SCNN1G: variants seen among roughly 807,000 people sequenced by gnomAD.
The protein encoded by SCNN1G is epithelial sodium channel subunit gamma.
Under a neutral mutation model 64.6 loss-of-function variants are expected in SCNN1G, and 27 were observed. The ratio of observed to expected loss-of-function variants is 0.42; its 90% CI spans 0.31 to 0.58. The LOEUF is 0.58. SCNN1G is among the 20% of genes least tolerant of loss of function. The pLI, the probability that SCNN1G is intolerant of heterozygous loss-of-function variation, is 0.18. For missense variants in SCNN1G, 743 were observed against 823.4 expected, an observed-to-expected ratio of 0.90 and a Z score of 1.19; for synonymous variants, 330 against 314.2, an observed-to-expected ratio of 1.05 and a Z score of -0.53.
intron 6 of SCNN1G, among the ~76,000 whole-genome samples, chr16:23,206,016 A>G (rs1183604255): frequency 6.6e-6 from 1 of 152,212 alleles, no homozygotes; most frequent in Non-Finnish European, 1.5e-5. Context: ...TTACCCAGAA[A>G]TGTACACAAT....
At chr16:23,205,875 C>T (rs1017489282) in intron 6 of SCNN1G, among the ~76,000 whole-genome samples, 2 of 152,154 alleles carry the variant, frequency 1.3e-5, no homozygotes, top group Non-Finnish European at 2.9e-5. Flanking sequence ...AAAAGCCCCC[C>T]ACCCACCCCC....
chr16:23,195,681 G>A (rs892645863), intron 5 of SCNN1G, among the ~76,000 whole-genome samples: 6 of 152,218 alleles, frequency 3.9e-5, no homozygotes, highest in African/African-American at 1.4e-4. Flanking sequence ...GTGACCTCAA[G>A]CAATTCACTT....
chr16:23,209,923 G>A (rs1960052790), intron 7 of SCNN1G, 75 bp downstream of exon 7: 1 of 1,022,418 alleles, frequency 9.8e-7, no homozygotes, highest in Non-Finnish European at 1.5e-6. Context: ...TCTAAGCTGG[G>A]GTGTGGCTTG....
chr16:23,207,230 T>G (rs1309946474), intron 6 of SCNN1G, among the ~76,000 whole-genome samples: 3 of 152,216 alleles, frequency 2.0e-5, no homozygotes, highest in Non-Finnish European at 4.4e-5. Context: ...CCCTGCTGGC[T>G]GCACTCGGCT....
chr16:23,208,373 T>C (rs941559974), intron 6 of SCNN1G, among the ~76,000 whole-genome samples: 1 of 152,106 alleles, frequency 6.6e-6, no homozygotes, highest in Non-Finnish European at 1.5e-5. Flanking sequence ...AAAAAAATTA[T>C]TGAATAAGGA....
intron 4 of SCNN1G, among the ~76,000 whole-genome samples, chr16:23,193,055 T>G (rs1432893266): frequency 9.1e-6 from 1 of 109,332 alleles, no homozygotes; most frequent in Admixed American, 1.4e-4. Context: ...GGCTGCAGAG[T>G]GAGACTCTTG....
chr16:23,211,120 A>G (rs888839703), intron 7 of SCNN1G, among the ~76,000 whole-genome samples: 17 of 152,336 alleles, frequency 1.1e-4, no homozygotes, highest in Admixed American at 6.5e-5. Context: ...CACACCTTAC[A>G]TGTATCAATT....
chr16:23,189,647 C>T lies in SCNN1G; in HGVS notation c.594C>T (p.Ser198=). The change falls in exon 3 of 13, where the codon TCC becomes TCT. Residue 198 remains serine (S), a synonymous_variant. Transcript: ENST00000300061. ...CTTCAAATGTCATGCACATCGAGTC[C>T]AAGCAAGTGGTGGGATTCCAACTGG... ...HKASNVMHIE[S]KQVVGFQLCS... is the part of the protein sequence containing the mutation. 1.2e-6 allele frequency: 2 copies of T among 1,614,172 alleles called. No homozygotes were observed. Among genetic ancestry groups the T allele is most frequent in the Non-Finnish European group, 8.5e-7 (1 of 1,180,020 alleles).
intron 2 of SCNN1G, among the ~76,000 whole-genome samples, chr16:23,188,490 C>T (rs1265483838): frequency 6.6e-6 from 1 of 152,136 alleles, no homozygotes; most frequent in Non-Finnish European, 1.5e-5. Flanking sequence ...CCAGCCTGGG[C>T]AACAGAGTGA....
intron 6 of SCNN1G, among the ~76,000 whole-genome samples, chr16:23,202,329 T>C (rs1880710490): frequency 6.6e-6 from 1 of 151,746 alleles, no homozygotes; most frequent in Non-Finnish European, 1.5e-5. Context: ...AGTGGGTAGA[T>C]GGGTAGGTGG....
At chr16:23,187,827 G>T (rs1186952714) in intron 2 of SCNN1G, among the ~76,000 whole-genome samples, 1 of 152,196 alleles carries the variant, frequency 6.6e-6, no homozygotes, top group Non-Finnish European at 1.5e-5. Flanking sequence ...CGTGAGGCAG[G>T]TCAGAATCAG....
chr16:23,212,410 G>T (rs1252059016), intron 8 of SCNN1G, among the ~76,000 whole-genome samples: 1 of 152,180 alleles, frequency 6.6e-6, no homozygotes, highest in African/African-American at 2.4e-5. Context: ...GCCCAGAAAG[G>T]CTAAGTGGCT....
At chr16:23,207,548 C>CTTAATAGACTTA (rs1395665969) in intron 6 of SCNN1G, among the ~76,000 whole-genome samples, 3 of 152,336 alleles carry the variant, frequency 2.0e-5, no homozygotes, top group African/African-American at 7.2e-5. Context: ...TCTGTACTGA[C>CTTAATAGACTTA]ATAGAAAGAC....
rs774559488 is a variant in SCNN1G, at chr16:23,197,289, C to T, written c.939C>T (p.Asn313=). ...EYGLQVILYI[N]EEEYNPFLVS... is the part of the protein sequence containing the mutation. ...GGCTGCAAGTCATTTTGTACATAAA[C>T]GAAGAGGAATACAACCCATTCCTCG... The change falls in exon 6 of 13, where the codon AAC becomes AAT. Residue 313 remains asparagine (N), a synonymous_variant. Coordinates refer to ENST00000300061, the MANE Select transcript of SCNN1G (RefSeq NM_001039.4). 95 of 1,613,724 alleles carry T rather than the reference C, an allele frequency of 5.9e-5. No individual in the cohort carries two copies. The South Asian group carries it at 6.0e-4, about 10-fold the overall frequency.
chr16:23,198,272 C>T (rs994934986), intron 6 of SCNN1G, among the ~76,000 whole-genome samples: 3 of 152,180 alleles, frequency 2.0e-5, no homozygotes, highest in African/African-American at 4.8e-5. Context: ...CTCCAATCCC[C>T]GAGTCAGCCT....
intron 7 of SCNN1G, 79 bp from the exon 8 acceptor site, chr16:23,211,955 T>C (rs1960086259): frequency 4.8e-6 from 5 of 1,047,992 alleles, no homozygotes; most frequent in Non-Finnish European, 7.5e-6. Flanking sequence ...GCTGACCCCC[T>C]GGGCTGAGGG....
chr16:23,210,643 C>T (rs976721947), intron 7 of SCNN1G, among the ~76,000 whole-genome samples: 1 of 152,188 alleles, frequency 6.6e-6, no homozygotes, highest in African/African-American at 2.4e-5. Context: ...CCATGAGAAT[C>T]ATCCCAGCAG....
chr16:23,197,522 T>C, intron 6 of SCNN1G, 95 bp downstream of exon 6: 1 of 1,162,382 alleles, frequency 8.6e-7, no homozygotes, highest in South Asian at 1.3e-5. Context: ...AAAAGGGTGT[T>C]TGTTTCAAAA....
At chr16:23,199,964 C>A (rs555085641) in intron 6 of SCNN1G, among the ~76,000 whole-genome samples, 1 of 152,288 alleles carries the variant, frequency 6.6e-6, no homozygotes, top group South Asian at 2.1e-4. Flanking sequence ...AGCCACAGCG[C>A]CTGGCCCATA....
Sources: gnomAD v4.1 joint callset for allele counts (sites outside exome capture counted in the v4.1 genomes callset) on GRCh38, gnomAD v4.1.1 for gene constraint, MANE v1.5 for transcripts, NCBI Gene and HGNC (gene_info 2026-07-23, HGNC 2026-07-21) for gene names.